The following NACC2 variants were observed in gnomAD, a reference collection of about 807,000 sequenced individuals.
NACC2 encodes the protein nucleus accumbens-associated protein 2.
Under a neutral mutation model 25.1 loss-of-function variants are expected in NACC2, and 8 were observed. The observed-to-expected ratio is 0.32, with a 90% CI of 0.19 to 0.57. The LOEUF (loss-of-function observed/expected upper bound fraction) is 0.57. Ranked by LOEUF, NACC2 falls within the 20% of genes least tolerant of loss-of-function variation. The probability of loss-of-function intolerance (pLI) is 0.89; values close to 1 mark genes in which losing one functional copy is unlikely to be tolerated. For missense variants in NACC2, 644 were observed against 650.2 expected (o/e 0.99, Z 0.10); for synonymous variants, 435 against 294.7 (o/e 1.48, Z -4.88).
rs1321624451 is a variant in NACC2, at chr9:136,016,494, C to T, written c.887-65G>A. 3.5e-5 allele frequency: 55 copies of T among 1,587,804 alleles called. 1 individual carries two copies. The highest frequency in any genetic ancestry group is 3.2e-4 in the South Asian group (29 of 90,178). On this transcript the variant is annotated intron_variant, in intron 2 of 5. Coordinates refer to ENST00000277554, the MANE Select transcript of NACC2 (RefSeq NM_144653.5). The stretch of plus-strand genomic sequence containing the variant: ...GGGGCCGGGCTGCTCTGTGCCTGCC[C>T]GCCTGCCCTCCATGCTCCCTGGGGC...
chr9:136,024,503 A>ATG (rs139555936), intron 2 of NACC2, among the ~76,000 whole-genome samples: 3,557 of 124,604 alleles, frequency 0.029, 89 homozygotes, highest in Middle Eastern at 0.045. Flanking sequence ...TGAGGACAGA[A>ATG]TGTGTGTGTG....
At chr9:136,042,278 T>G (rs1840644597) in intron 2 of NACC2, among the ~76,000 whole-genome samples, 1 of 152,086 alleles carries the variant, frequency 6.6e-6, no homozygotes, top group South Asian at 2.1e-4. Flanking sequence ...GTGAGCCACC[T>G]TGTCCAGCCC....
At chr9:136,043,253 G>C (rs948879527) in intron 2 of NACC2, among the ~76,000 whole-genome samples, 1 of 152,182 alleles carries the variant, frequency 6.6e-6, no homozygotes, top group Non-Finnish European at 1.5e-5. Context: ...AAATTATATA[G>C]GGAACTCTTA....
intron 1 of NACC2, among the ~76,000 whole-genome samples, chr9:136,054,084 A>G (rs1011020018): frequency 6.6e-6 from 1 of 152,230 alleles, no homozygotes; most frequent in Non-Finnish European, 1.5e-5. Flanking sequence ...TGAATGGAAC[A>G]ATGTTTGTGA....
At chr9:136,077,699 G>C (rs527398916) in intron 1 of NACC2, among the ~76,000 whole-genome samples, 1 of 152,214 alleles carries the variant, frequency 6.6e-6, no homozygotes, top group African/African-American at 2.4e-5. Context: ...GTGGTCACCC[G>C]GGAAATGCGA....
intron 1 of NACC2, among the ~76,000 whole-genome samples, chr9:136,081,479 G>A (rs150894510): frequency 5.8e-4 from 89 of 152,356 alleles, no homozygotes; most frequent in Admixed American, 2.4e-3. Context: ...CCAGGAAGGC[G>A]GTGCCGGGCG....
chr9:136,048,786 G>A (rs1180429767), intron 2 of NACC2, among the ~76,000 whole-genome samples: 1 of 152,230 alleles, frequency 6.6e-6, no homozygotes, highest in Non-Finnish European at 1.5e-5. Flanking sequence ...CAGCACTGCA[G>A]GAGGGGAAGG....
At chr9:136,045,241 A>AGGTGGG in intron 2 of NACC2, among the ~76,000 whole-genome samples, 1 of 151,640 alleles carries the variant, frequency 6.6e-6, no homozygotes, top group East Asian at 1.9e-4. Context: ...GACCCCAGAG[A>AGGTGGG]GGTGGGGGTG....
At chr9:136,016,158 T>G in intron 3 of NACC2, 107 bp downstream of exon 3, 1 of 1,261,252 alleles carries the variant, frequency 7.9e-7, no homozygotes, top group Non-Finnish European at 1.1e-6. Context: ...TAAGATTTTT[T>G]TTTTGACTGA....
At position 136,013,783 on chromosome 9, in the gene NACC2, A is replaced by G; in HGVS notation, c.1157+81T>C. 2.4e-6 allele frequency: 3 copies of G among 1,272,832 alleles called. No individual in the cohort carries two copies. The highest frequency in any genetic ancestry group is 3.3e-6 in the Non-Finnish European group (3 of 899,376). 78.8% of individuals were successfully genotyped at this position (1,272,832 alleles called of 1,614,324 possible). A position where few individuals can be genotyped will look rare whatever the true frequency, so the allele number is the denominator to read the frequency against. On this transcript the variant is annotated intron_variant, in intron 4 of 5. Transcript: ENST00000277554. This position sits in a 1 kb window ranked among gnomAD's most constrained non-coding sequence, Gnocchi z 6.6. ...AGGGCTTTCAATGCCACAACCCTGG[A>G]CGATCAGACAGCTCATAGCTAAAGG...
rs369495886 is a variant in NACC2, at chr9:136,013,310, C to T, written c.1158-14G>A. The stretch of plus-strand genomic sequence containing the variant: ...GCCAGCGTGTTCCTGGTGGAGGGAC[C>T]GGAAAGGCAGGCAGGGTGAGGATGA... On this transcript the variant is annotated splice_polypyrimidine_tract_variant and intron_variant, in intron 4 of 5. Coordinates refer to ENST00000277554, the MANE Select transcript of NACC2 (RefSeq NM_144653.5). This position sits in a 1 kb window ranked among gnomAD's most constrained non-coding sequence, Gnocchi z 6.6. 1.2e-6 allele frequency: 2 copies of T among 1,608,528 alleles called. No homozygotes were observed. The highest frequency in any genetic ancestry group is 1.7e-6 in the Non-Finnish European group (2 of 1,177,024).
chr9:136,011,454 G>C lies in NACC2; in HGVS notation c.*62C>G. ...GTAAGTGGCTTGATCACATTTGTTTGTATTAGTAACGCATGCAAGCAGCTC... is the reference window on the plus strand; with the variant it reads ...GTAAGTGGCTTGATCACATTTGTTTCTATTAGTAACGCATGCAAGCAGCTC... On this transcript the variant is annotated 3_prime_UTR_variant, in exon 6 of 6. Coordinates refer to ENST00000277554, the MANE Select transcript of NACC2 (RefSeq NM_144653.5). 7.6e-7 allele frequency: 1 copy of C among 1,311,930 alleles called. No homozygotes were observed. The highest frequency in any genetic ancestry group is 9.7e-7 in the Non-Finnish European group (1 of 1,029,806). The allele number at this position is 1,311,930 out of a possible 1,614,324, so 81.3% of individuals were successfully genotyped here.
intron 5 of NACC2, among the ~76,000 whole-genome samples, chr9:136,012,609 G>A (rs1477237957): frequency 1.3e-5 from 2 of 151,002 alleles, no homozygotes; most frequent in Non-Finnish European, 2.9e-5. Context: ...ATTCCTGGCT[G>A]CAAAGGCCCC....
chr9:136,056,971 T>C lies in NACC2; in HGVS notation c.-59-6391A>G, dbSNP rs957825721. Among the ~76,000 whole-genome samples, 80 of 152,296 alleles carry C rather than the reference T, an allele frequency of 5.3e-4. 1 individual carries two copies. Among genetic ancestry groups the C allele is most frequent in the African/African-American group, 1.9e-3 (78 of 41,560 alleles). Reference sequence around the variant, plus strand: ...TGGGCAGGCCCACAGATAGAGGGGATGAAGCCAGGGACACAGCAGGGGGTC... The same window carrying C: ...TGGGCAGGCCCACAGATAGAGGGGACGAAGCCAGGGACACAGCAGGGGGTC... On this transcript the variant is annotated intron_variant, in intron 1 of 5. Coordinates refer to ENST00000277554, the MANE Select transcript of NACC2 (RefSeq NM_144653.5).
intron 1 of NACC2, among the ~76,000 whole-genome samples, chr9:136,070,033 A>C (rs1000328751): frequency 6.6e-6 from 1 of 151,922 alleles, no homozygotes; most frequent in Non-Finnish European, 1.5e-5. Context: ...ATATGCCAAG[A>C]CAGACAATAT....
intron 1 of NACC2, among the ~76,000 whole-genome samples, chr9:136,091,524 CCT>C (rs1306048351): frequency 2.0e-5 from 3 of 152,240 alleles, no homozygotes; most frequent in African/African-American, 4.8e-5. Flanking sequence ...AGGCTGATCC[CCT>C]GTGTGGACAG....
chr9:136,088,203 C>T (rs1042014085), intron 1 of NACC2, among the ~76,000 whole-genome samples: 9 of 152,148 alleles, frequency 5.9e-5, no homozygotes, highest in African/African-American at 1.2e-4. Context: ...GTGCTCTGTC[C>T]GGCTCCCTTC....
In NACC2 at chr9:136,086,043, G is replaced by T. The variant is rs905037005; in HGVS notation, c.-60+9146C>A. On this transcript the variant is annotated intron_variant, in intron 1 of 5. Coordinates refer to ENST00000277554, the MANE Select transcript of NACC2 (RefSeq NM_144653.5). The surrounding 1 kb of genome is among the most constrained non-coding windows in gnomAD (Gnocchi z 5.6). ...CCGATGGGAGGGGTTGGCAGAGCCC[G>T]GAGTCCGGGCGCCACGCAGGGCAGC... Among the ~76,000 whole-genome samples the T allele has an allele frequency of 2.0e-5, 3 of 151,588 alleles. No homozygotes were observed. Among genetic ancestry groups the T allele is most frequent in the African/African-American group, 7.3e-5 (3 of 41,236 alleles).
At chr9:136,074,901 G>C (rs976588154) in intron 1 of NACC2, among the ~76,000 whole-genome samples, 2 of 152,374 alleles carry the variant, frequency 1.3e-5, no homozygotes, top group Admixed American at 1.3e-4. Context: ...GGCAGGGCCG[G>C]GGGATGCTGG....
Sources: gnomAD v4.1 joint callset for allele counts (sites outside exome capture counted in the v4.1 genomes callset) on GRCh38, gnomAD v4.1.1 for gene constraint, Gnocchi (gnomAD v3.1) non-coding constraint, MANE v1.5 for transcripts, NCBI Gene and HGNC (gene_info 2026-07-23, HGNC 2026-07-21) for gene names.